Variants in NEB observed in about 807,000 individuals in gnomAD.
NEB encodes nebulin.
NEB carries 512 observed loss-of-function variants against 952.2 expected under a neutral mutation model. The observed-to-expected ratio is 0.54, with a 90% CI of 0.50 to 0.58. The LOEUF (loss-of-function observed/expected upper bound fraction) is 0.58, where lower values mean the gene tolerates loss of function less well. Ranked by LOEUF, NEB falls within the 20% of genes least tolerant of loss-of-function variation. NEB has a pLI of 0.00. For synonymous variants in NEB, 2,900 were observed against 3,149.8 expected (o/e 0.92, Z 2.66); for missense variants, 8,428 against 9,231.1 (o/e 0.91, Z 3.56).
intron 4 of NEB, among the ~76,000 whole-genome samples, chr2:151,729,220 A>T (rs2099799721): frequency 6.6e-6 from 1 of 152,204 alleles, no homozygotes; most frequent in African/African-American, 2.4e-5. Context: ...CCTACAAGTT[A>T]TAACTCCACA....
chr2:151,710,562 A>G lies in NEB; in HGVS notation c.823-24T>C, dbSNP rs1220715216. On this transcript the variant is annotated intron_variant, in intron 10 of 181. Transcript: ENST00000397345. ...TGCTAGAAAAAAGAAAAAGAAAATAAGACAAGCATAACTCATGAATTGACA... is the reference window on the plus strand; with the variant it reads ...TGCTAGAAAAAAGAAAAAGAAAATAGGACAAGCATAACTCATGAATTGACA... 2.8e-6 allele frequency: 4 copies of G among 1,436,228 alleles called. No homozygotes were observed. In the African/African-American group the frequency reaches 5.6e-5, roughly 20 times the overall value. 89.0% of individuals were successfully genotyped at this position (1,436,228 alleles called of 1,614,324 possible). A position where few individuals can be genotyped will look rare whatever the true frequency, so the allele number is the denominator to read the frequency against.
rs781250495 is a variant in NEB at position 151,548,333 on chromosome 2, C to T, written c.20132G>A (p.Arg6711Gln). 50 of 1,613,106 alleles carry T rather than the reference C, an allele frequency of 3.1e-5. No individual in the cohort carries two copies. Among genetic ancestry groups the T allele is most frequent in the South Asian group, 1.3e-4 (12 of 91,056 alleles). The change falls in exon 131 of 182, where the codon CGG becomes CAG. Residue 6711 changes from arginine (R) to glutamine (Q), a missense_variant. Physicochemically the swap from Arg to Gln is conservative, Grantham distance 43. Around this residue, in one of 11 missense-constraint regions of NEB, gnomAD observed 3,374 missense variants for 3,651.5 expected, o/e 0.92. Transcript: ENST00000397345. ...GPKDVPFVHV[R>Q]RVNNVTSERL... ...CTCGCTGGTAACATTGTTGACTCTCCGGACGTGGACAAATGGAACATCTTT... is the reference window on the plus strand; with the variant it reads ...CTCGCTGGTAACATTGTTGACTCTCTGGACGTGGACAAATGGAACATCTTT...
chr2:151,637,201 A>C (rs938951011), intron 63 of NEB, among the ~76,000 whole-genome samples: 4 of 152,202 alleles, frequency 2.6e-5, no homozygotes, highest in Non-Finnish European at 4.4e-5. Flanking sequence ...GAAGAGCTCC[A>C]GGAAGGAGTC....
chr2:151,513,479 C>G, intron 160 of NEB, 101 bp downstream of exon 160: 1 of 810,944 alleles, frequency 1.2e-6, no homozygotes, highest in Non-Finnish European at 2.0e-6. Flanking sequence ...CCATTGTATG[C>G]ATGTGACTGT....
intron 54 of NEB, among the ~76,000 whole-genome samples, chr2:151,647,843 T>G: frequency 6.6e-6 from 1 of 152,302 alleles, no homozygotes; most frequent in South Asian, 2.1e-4. Flanking sequence ...GAGAAAATAT[T>G]TTCTTTTCTT....
At chr2:151,509,359 G>GAAAC (rs141830788) in intron 161 of NEB, among the ~76,000 whole-genome samples, 2,515 of 152,268 alleles carry the variant, frequency 0.017, 105 homozygotes, top group East Asian at 0.14. Context: ...GAAAAGAATA[G>GAAAC]AAACAATCGT....
At chr2:151,609,457 A>G (rs1404718775) in intron 81 of NEB, among the ~76,000 whole-genome samples, 3 of 152,160 alleles carry the variant, frequency 2.0e-5, no homozygotes, top group Non-Finnish European at 2.9e-5. Flanking sequence ...TTGATATTTC[A>G]AAAAATTTTA....
chr2:151,657,027 G>C (rs1204408880), intron 48 of NEB, among the ~76,000 whole-genome samples: 1 of 152,152 alleles, frequency 6.6e-6, no homozygotes, highest in Non-Finnish European at 1.5e-5. Context: ...TAATGGGGAA[G>C]AAATTGTACT....
chr2:151,559,849 T>C (rs1270935718), intron 124 of NEB, among the ~76,000 whole-genome samples: 9 of 152,236 alleles, frequency 5.9e-5, no homozygotes, highest in African/African-American at 1.9e-4. Flanking sequence ...AGATGATGGG[T>C]TGATGGGTGC....
Position 151,606,586 on chromosome 2 carries a change from G to A in NEB, c.12747+20C>T. On this transcript the variant is annotated intron_variant, in intron 84 of 181. Coordinates refer to ENST00000397345, the MANE Select transcript of NEB (RefSeq NM_001164508.2). ...GTTTTGTAGAAAAGAAAAACCACAA[G>A]AAAAGAGAAGGAAGCGTACCTCACT... 1 of 684,732 alleles carries A rather than the reference G, an allele frequency of 1.5e-6. No individual in the cohort carries two copies. Among genetic ancestry groups the A allele is most frequent in the South Asian group, 1.7e-5 (1 of 59,882 alleles). 42.4% of individuals were successfully genotyped at this position (684,732 alleles called of 1,614,324 possible).
intron 161 of NEB, 62 bp from the exon 162 acceptor site, chr2:151,508,171 C>G (rs56805351): frequency 0.012 from 12,880 of 1,103,662 alleles, 237 homozygotes; most frequent in African/African-American, 0.067. Flanking sequence ...CCAATGGGAC[C>G]TAAAATAGGC....
intron 23 of NEB, among the ~76,000 whole-genome samples, chr2:151,691,313 T>A (rs1205421294): frequency 6.6e-6 from 1 of 152,208 alleles, no homozygotes; most frequent in Non-Finnish European, 1.5e-5. Flanking sequence ...TGGTCATGCC[T>A]GTTTTAGACC....
chr2:151,548,656 G>C (rs1037225301), intron 130 of NEB, among the ~76,000 whole-genome samples: 3 of 152,194 alleles, frequency 2.0e-5, no homozygotes, highest in Admixed American at 6.5e-5. Flanking sequence ...AAATCTGTTT[G>C]TCGGAAGGTA....
At chr2:151,714,344 A>G (rs564051788) in intron 10 of NEB, among the ~76,000 whole-genome samples, 3 of 152,230 alleles carry the variant, frequency 2.0e-5, no homozygotes, top group Non-Finnish European at 4.4e-5. Flanking sequence ...TTCACCCCAG[A>G]CTATTGTATG....
intron 73 of NEB, 43 bp from the exon 74 acceptor site, chr2:151,618,521 T>C: frequency 6.4e-7 from 1 of 1,564,290 alleles, no homozygotes; most frequent in Non-Finnish European, 8.7e-7. Flanking sequence ...AATTAGTGTT[T>C]CAGATTCATA....
chr2:151,525,246 C>T lies in NEB; in HGVS notation c.22189G>A (p.Glu7397Lys), dbSNP rs1438155599. ...ATGGAGTAGTTGGATTTTCCTTTCT[C>T]CTTGACAAACTTCTTTTTGTAATTT... ...DTNYKKKFVK[E>K]KGKSNYSIML... Residue 7397 changes from glutamate to lysine, a missense_variant, in exon 151 of 182, where the codon GAG (glutamate) becomes AAG (lysine). This residue lies in a region of NEB where 3,374 missense variants were observed against 3,651.5 expected (regional missense o/e 0.92). Coordinates refer to ENST00000397345, the MANE Select transcript of NEB (RefSeq NM_001164508.2). 3 of 1,613,644 alleles carry T rather than the reference C, an allele frequency of 1.9e-6. No homozygotes were observed. Among genetic ancestry groups the T allele is most frequent in the Non-Finnish European group, 2.5e-6 (3 of 1,179,592 alleles).
At chr2:151,502,553 G>A (rs1393950028) in intron 167 of NEB, among the ~76,000 whole-genome samples, 2 of 152,052 alleles carry the variant, frequency 1.3e-5, no homozygotes, top group African/African-American at 4.8e-5. Flanking sequence ...AGGAGGAATG[G>A]AGGAAGAAAA....
chr2:151,546,250 C>G (rs1335077543), intron 134 of NEB, 95 bp downstream of exon 134: 34 of 964,312 alleles, frequency 3.5e-5, no homozygotes, highest in Non-Finnish European at 4.9e-5. Context: ...AAAGTAGCTG[C>G]AGGCTAAGAT....
chr2:151,700,596 A>G (rs1374421801), intron 13 of NEB, among the ~76,000 whole-genome samples: 143 of 52,398 alleles, frequency 2.7e-3, no homozygotes, highest in Middle Eastern at 0.013. Flanking sequence ...TGTAAGTTGG[A>G]TTCCTAGGTA....
Sources: gnomAD v4.1 joint callset for allele counts (sites outside exome capture counted in the v4.1 genomes callset) on GRCh38, gnomAD v4.1.1 for gene constraint, gnomAD v4.1.1 regional missense constraint, MANE v1.5 for transcripts, NCBI Gene and HGNC (gene_info 2026-07-23, HGNC 2026-07-21) for gene names.